EYA1: variants seen among roughly 807,000 people sequenced by gnomAD.
EYA1 encodes protein phosphatase EYA1.
A neutral mutation model predicts 82.0 loss-of-function variants in EYA1; 16 were observed. That is an observed-to-expected ratio of 0.20 (90% CI 0.13 to 0.30). EYA1 has a LOEUF of 0.30. Ranked by LOEUF, EYA1 falls within the 10% of genes least tolerant of loss-of-function variation. EYA1 has a pLI of 1.00. For synonymous variants in EYA1, 261 were observed against 264.4 expected, an observed-to-expected ratio of 0.99 and a Z score of 0.12; for missense variants, 633 against 730.7, an observed-to-expected ratio of 0.87 and a Z score of 1.54.
chr8:71,241,943 G>A (rs2128899240), intron 12 of EYA1, among the ~76,000 whole-genome samples: 1 of 152,226 alleles, frequency 6.6e-6, no homozygotes, highest in South Asian at 2.1e-4. Context: ...AGTGACTCAT[G>A]CCTGTAATCC....
At chr8:71,452,380 G>A (rs1807462047) in intron 2 of EYA1, among the ~76,000 whole-genome samples, 1 of 152,236 alleles carries the variant, frequency 6.6e-6, no homozygotes, top group African/African-American at 2.4e-5. Context: ...AGAAACCTCT[G>A]CAGACTTAAA....
At chr8:71,354,107 G>A (rs1456648477) in intron 3 of EYA1, among the ~76,000 whole-genome samples, 1 of 151,956 alleles carries the variant, frequency 6.6e-6, no homozygotes, top group African/African-American at 2.4e-5. Flanking sequence ...GTGGATCAAA[G>A]TAGGTATTTC....
intron 2 of EYA1, among the ~76,000 whole-genome samples, chr8:71,405,099 G>C (rs1830148131): frequency 6.6e-6 from 1 of 151,934 alleles, no homozygotes; most frequent in Non-Finnish European, 1.5e-5. Context: ...AGTAGTACAA[G>C]GTGCCAATAT....
intron 2 of EYA1, among the ~76,000 whole-genome samples, chr8:71,414,207 G>C (rs1240939273): frequency 7.9e-5 from 12 of 152,168 alleles, no homozygotes; most frequent in Non-Finnish European, 1.2e-4. Flanking sequence ...AGATGAGGCT[G>C]TGCTTTTCAG....
intron 7 of EYA1, among the ~76,000 whole-genome samples, chr8:71,304,066 A>T (rs1193955219): frequency 2.4e-5 from 3 of 124,088 alleles, no homozygotes; most frequent in African/African-American, 7.9e-5. Context: ...CAATTATATT[A>T]AAATAATTTA....
intron 2 of EYA1, among the ~76,000 whole-genome samples, chr8:71,519,771 C>T (rs1375327141): frequency 1.3e-5 from 2 of 151,988 alleles, no homozygotes; most frequent in Non-Finnish European, 2.9e-5. Flanking sequence ...GAGGCTCTGC[C>T]TTCTTAGGCC....
upstream of EYA1, among the ~76,000 whole-genome samples, chr8:71,366,356 T>C (rs1347901484): frequency 1.3e-5 from 2 of 152,216 alleles, no homozygotes; most frequent in Non-Finnish European, 2.9e-5. Flanking sequence ...TGCCAAAAAG[T>C]ATATAAATAA....
chr8:71,404,704 G>C (rs533156965), intron 2 of EYA1: 1 of 152,180 alleles, frequency 6.6e-6, no homozygotes, highest in East Asian at 1.9e-4. Context: ...GGATCACGAC[G>C]TCAGGAGATC....
chr8:71,453,971 C>G (rs1171284198), intron 2 of EYA1, among the ~76,000 whole-genome samples: 2 of 152,142 alleles, frequency 1.3e-5, no homozygotes, highest in Non-Finnish European at 2.9e-5. Context: ...AAGACACAGA[C>G]TGGCAAATTG....
At chr8:71,373,515 G>T (rs1020673228) in intron 2 of EYA1, among the ~76,000 whole-genome samples, 2 of 152,060 alleles carry the variant, frequency 1.3e-5, no homozygotes, top group Non-Finnish European at 2.9e-5. Flanking sequence ...AAGGTATCTT[G>T]TGTTTGTGGA....
At chr8:71,536,439 T>C (rs1814719907) in intron 1 of EYA1, among the ~76,000 whole-genome samples, 1 of 152,156 alleles carries the variant, frequency 6.6e-6, no homozygotes. Context: ...GGAAGAATGG[T>C]TTGGGGGATG....
In EYA1 at chr8:71,217,404, A is replaced by T. The variant is rs533709662; in HGVS notation, c.1141-381T>A. ...AACCAGACATTTTGGTAAATGTAAC[A>T]TGCTAGAAAAATTAAACCTGATGCT... On this transcript the variant is annotated intron_variant, in intron 12 of 17. Transcript: ENST00000340726. Among the ~76,000 whole-genome samples, 8 of 152,368 alleles carry T rather than the reference A, an allele frequency of 5.3e-5. No individual in the cohort carries two copies. In the South Asian group the frequency reaches 1.7e-3, roughly 32 times the overall value.
chr8:71,348,620 C>A (rs1825992486), intron 3 of EYA1, among the ~76,000 whole-genome samples: 1 of 152,196 alleles, frequency 6.6e-6, no homozygotes, highest in Admixed American at 6.5e-5. Context: ...ATGAAAGATA[C>A]AGTTAGCTGC....
At chr8:71,266,809 C>T (rs1563724659) in intron 11 of EYA1, among the ~76,000 whole-genome samples, 1 of 151,390 alleles carries the variant, frequency 6.6e-6, no homozygotes, top group African/African-American at 2.4e-5. Flanking sequence ...CAACACTGAA[C>T]TCTCCCTTCC....
At chr8:71,406,183 AAGAG>A (rs1391433360) in intron 2 of EYA1, among the ~76,000 whole-genome samples, 3 of 152,216 alleles carry the variant, frequency 2.0e-5, no homozygotes, top group African/African-American at 7.2e-5. Context: ...ATGAAGATAA[AAGAG>A]AGAGATGTAG....
intron 2 of EYA1, among the ~76,000 whole-genome samples, chr8:71,487,828 G>A (rs962920918): frequency 1.4e-4 from 22 of 152,148 alleles, no homozygotes; most frequent in Non-Finnish European, 5.9e-5. Flanking sequence ...ACCAAGAATT[G>A]TTGAAGACAT....
At chr8:71,406,793 G>T (rs776185299) in intron 2 of EYA1, among the ~76,000 whole-genome samples, 1 of 147,200 alleles carries the variant, frequency 6.8e-6, no homozygotes, top group Non-Finnish European at 1.5e-5. Context: ...AGCGAGGCTG[G>T]GGGAGGGGCG....
intron 3 of EYA1, among the ~76,000 whole-genome samples, chr8:71,343,589 TAG>T (rs1025176827): frequency 5.3e-5 from 8 of 152,130 alleles, no homozygotes; most frequent in African/African-American, 1.7e-4. Context: ...TGGAACTCTA[TAG>T]AGAGTCCCCA....
intron 2 of EYA1, among the ~76,000 whole-genome samples, chr8:71,415,760 T>A (rs902307308): frequency 2.6e-5 from 4 of 152,204 alleles, no homozygotes; most frequent in African/African-American, 7.2e-5. Context: ...TGTTGCATGT[T>A]CAGCAATGAA....
Sources: allele counts gnomAD v4.1 joint callset (sites outside exome capture counted in the v4.1 genomes callset), GRCh38; gene constraint gnomAD v4.1.1; transcripts MANE v1.5; gene names NCBI Gene and HGNC (gene_info 2026-07-23, HGNC 2026-07-21).